Variants in MTMR3 observed in about 807,000 individuals in gnomAD.
MTMR3 encodes the protein phosphatidylinositol-3,5-bisphosphate 3-phosphatase MTMR3.
In MTMR3, 32 loss-of-function variants were observed where a neutral mutation model predicts 132.4. The observed-to-expected ratio is 0.24, with a 90% CI of 0.18 to 0.32. MTMR3 has a LOEUF of 0.32. Ranked by LOEUF, MTMR3 falls within the 10% of genes least tolerant of loss-of-function variation. The pLI is 1.00. For missense variants in MTMR3, 1,216 were observed against 1,489.6 expected (o/e 0.82, Z 3.02); for synonymous variants, 556 against 550.3 (o/e 1.01, Z -0.14).
At chr22:29,926,071 C>T (rs1292271663) in intron 1 of MTMR3, among the ~76,000 whole-genome samples, 3 of 152,268 alleles carry the variant, frequency 2.0e-5, no homozygotes, top group East Asian at 1.9e-4. Context: ...TTTAGACCTT[C>T]GCAACTGCTA....
chr22:30,020,603 G>A lies in MTMR3; in HGVS notation c.2944G>A (p.Ala982Thr), dbSNP rs2067719612. 1 of 1,614,068 alleles carries A rather than the reference G, an allele frequency of 6.2e-7. No homozygotes were observed. Among genetic ancestry groups the A allele is most frequent in the Non-Finnish European group, 8.5e-7 (1 of 1,180,050 alleles). Residue 982 changes from alanine (A) to threonine (T), a missense_variant, in exon 17 of 20, where the codon GCC (alanine) becomes ACC (threonine). Transcript: ENST00000401950. Reference protein sequence around the residue: ...RQLSAMSCSSAHLHSRNLHHK... With the variant: ...RQLSAMSCSSTHLHSRNLHHK... Reference sequence around the variant, plus strand: ...GCTGTCTGCTATGAGCTGCAGCTCTGCCCACTTACACTCAAGGAACTTGCA... The same window carrying A: ...GCTGTCTGCTATGAGCTGCAGCTCTACCCACTTACACTCAAGGAACTTGCA...
intron 9 of MTMR3, chr22:30,006,771 G>A: frequency 4.0e-6 from 1 of 250,872 alleles, no homozygotes; most frequent in Non-Finnish European, 7.9e-6. Flanking sequence ...ATGTTGCTCA[G>A]GCTGGTCTTG....
intron 1 of MTMR3, among the ~76,000 whole-genome samples, chr22:29,918,994 C>T (rs966321404): frequency 2.0e-5 from 3 of 152,178 alleles, no homozygotes; most frequent in African/African-American, 7.2e-5. Flanking sequence ...GATCTCCTGC[C>T]TTGGCCTCCC....
chr22:29,889,737 C>T (rs1042531223), intron 1 of MTMR3, among the ~76,000 whole-genome samples: 2 of 151,914 alleles, frequency 1.3e-5, no homozygotes, highest in African/African-American at 4.8e-5. Context: ...TTGATATTCC[C>T]TTAATGAGCA....
At chr22:30,009,254 T>C in intron 12 of MTMR3, 125 bp downstream of exon 12, 1 of 684,992 alleles carries the variant, frequency 1.5e-6, no homozygotes, top group Non-Finnish European at 2.5e-6. Flanking sequence ...TTCTGTTTCT[T>C]GGTAATCTTC....
Position 30,025,842 on chromosome 22 carries a change from C to T in MTMR3, c.*41C>T. ...GTGGGCAGTGGCCAAGCTGCTGTTCCTATGACAGGCCCACTCAACCTGGGC... is the reference window on the plus strand; with the variant it reads ...GTGGGCAGTGGCCAAGCTGCTGTTCTTATGACAGGCCCACTCAACCTGGGC... On this transcript the variant is annotated 3_prime_UTR_variant, in exon 20 of 20. Transcript: ENST00000401950. 5.6e-6 allele frequency: 9 copies of T among 1,606,502 alleles called. No homozygotes were observed. The highest frequency in any genetic ancestry group is 6.8e-6 in the Non-Finnish European group (8 of 1,174,646).
rs1236467900 is a variant in MTMR3 at position 30,027,904 on chromosome 22, C to T, written c.*2103C>T. The T allele has an allele frequency of 6.6e-6, 1 of 152,330 alleles. No homozygotes were observed. The highest frequency in any genetic ancestry group is 1.9e-4 in the East Asian group (1 of 5,330). The allele number at this position is 152,330 out of a possible 1,614,324, so 9.4% of individuals were successfully genotyped here. On this transcript the variant is annotated 3_prime_UTR_variant, in exon 20 of 20. Transcript: ENST00000401950. ...AATTCTTTGCCCTGTGGTTTATCCCCTCTTCGTCCCTTTTCCCTCTCACAC... is the reference window on the plus strand; with the variant it reads ...AATTCTTTGCCCTGTGGTTTATCCCTTCTTCGTCCCTTTTCCCTCTCACAC...
chr22:29,950,531 T>G (rs1185781905), intron 1 of MTMR3, among the ~76,000 whole-genome samples: 2 of 151,932 alleles, frequency 1.3e-5, no homozygotes, highest in African/African-American at 4.8e-5. Context: ...GCCCAGATAA[T>G]TTTTGTATTT....
intron 18 of MTMR3, 179 bp downstream of exon 18, chr22:30,022,318 A>T: frequency 4.9e-6 from 3 of 616,194 alleles, no homozygotes; most frequent in Non-Finnish European, 8.6e-6. Flanking sequence ...TGAGCCAGGG[A>T]GACTCAGCAA....
At chr22:29,944,701 G>A (rs984730918) in intron 1 of MTMR3, among the ~76,000 whole-genome samples, 2 of 152,168 alleles carry the variant, frequency 1.3e-5, no homozygotes, top group African/African-American at 4.8e-5. Context: ...AATGTTGTAT[G>A]TTAGCCAGTT....
At chr22:29,909,012 C>G (rs2145742495) in intron 1 of MTMR3, among the ~76,000 whole-genome samples, 1 of 143,312 alleles carries the variant, frequency 7.0e-6, no homozygotes, top group East Asian at 2.1e-4. Context: ...AATTCTCACT[C>G]TGTTGCCCAG....
At chr22:29,952,469 TTTTATA>T (rs1330604973) in intron 1 of MTMR3, among the ~76,000 whole-genome samples, 2 of 151,946 alleles carry the variant, frequency 1.3e-5, no homozygotes, top group East Asian at 1.9e-4. Context: ...AATGACAGAA[TTTTATA>T]TTTATATTTG....
chr22:29,961,910 C>CTG (rs2066319927), intron 2 of MTMR3, among the ~76,000 whole-genome samples: 1 of 152,192 alleles, frequency 6.6e-6, no homozygotes, highest in African/African-American at 2.4e-5. Flanking sequence ...TTACAGTTAC[C>CTG]TACAGTATTC....
At chr22:29,907,872 A>G (rs2065134084) in intron 1 of MTMR3, among the ~76,000 whole-genome samples, 1 of 152,146 alleles carries the variant, frequency 6.6e-6, no homozygotes, top group Non-Finnish European at 1.5e-5. Flanking sequence ...ATATGGTTTC[A>G]TGATAAAGCC....
Position 30,019,988 on chromosome 22 carries a change from A to T in MTMR3, c.2329A>T (p.Ser777Cys). ...GCAGAGTGGGCTCAGTGTTCTCCTC[A>T]GTTCTCTCCAGGTCCCCCCCAGGGG... is the stretch of plus-strand genomic sequence containing the variant. ...EQQSGLSVLL[S>C]SLQVPPRGED... Residue 777 changes from serine (S) to cysteine (C), a missense_variant, in exon 17 of 20, where the codon AGT becomes TGT. Coordinates refer to ENST00000401950, the MANE Select transcript of MTMR3 (RefSeq NM_021090.4). 6.2e-7 allele frequency: 1 copy of T among 1,614,044 alleles called. No individual in the cohort carries two copies. Among genetic ancestry groups the T allele is most frequent in the East Asian group, 2.2e-5 (1 of 44,886 alleles).
chr22:29,928,064 C>T (rs979093628), intron 1 of MTMR3, among the ~76,000 whole-genome samples: 3 of 151,508 alleles, frequency 2.0e-5, no homozygotes, highest in African/African-American at 7.3e-5. Context: ...CCTCAGCCAC[C>T]CAAGTAGCTG....
intron 2 of MTMR3, among the ~76,000 whole-genome samples, chr22:29,962,189 A>C (rs984043943): frequency 1.1e-4 from 16 of 152,262 alleles, no homozygotes; most frequent in Admixed American, 1.3e-4. Context: ...AAAGGGCAGT[A>C]AGGAGTGAAA....
intron 1 of MTMR3, among the ~76,000 whole-genome samples, chr22:29,940,278 A>G (rs2065831686): frequency 6.6e-6 from 1 of 152,150 alleles, no homozygotes; most frequent in Admixed American, 6.6e-5. Context: ...AAAAGAAAAA[A>G]AAATACTTTG....
chr22:29,892,317 A>G (rs974013923), intron 1 of MTMR3, among the ~76,000 whole-genome samples: 1 of 152,170 alleles, frequency 6.6e-6, no homozygotes, highest in African/African-American at 2.4e-5. Flanking sequence ...TCTTCTAGAT[A>G]TGAAGAATTA....
Sources: allele counts gnomAD v4.1 joint callset (sites outside exome capture counted in the v4.1 genomes callset), GRCh38; gene constraint gnomAD v4.1.1; transcripts MANE v1.5; gene names NCBI Gene and HGNC (gene_info 2026-07-23, HGNC 2026-07-21).